Variants in SHISA9 observed in about 807,000 individuals in gnomAD.
The protein encoded by SHISA9 is shisa family member 9.
SHISA9 carries 13 observed loss-of-function variants against 38.0 expected under a neutral mutation model. The ratio of observed to expected loss-of-function variants is 0.34; its 90% confidence interval spans 0.22 to 0.54. The LOEUF is 0.54. SHISA9 is among the 20% of genes least tolerant of loss of function. The pLI is 0.91. For synonymous variants in SHISA9, 275 were observed against 242.0 expected, an observed-to-expected ratio of 1.14 and a Z score of -1.27; for missense variants, 538 against 575.8, an observed-to-expected ratio of 0.93 and a Z score of 0.67.
At chr16:13,371,080 A>G in the SHISA9 span, among the ~76,000 whole-genome samples, 1 of 152,206 alleles carries the variant, frequency 6.6e-6, no homozygotes, top group South Asian at 2.1e-4. Context: ...ACACCATTTA[A>G]CCTTTACAAT....
chr16:13,087,900 C>G (rs1014449549), intron 2 of SHISA9, among the ~76,000 whole-genome samples: 1 of 152,148 alleles, frequency 6.6e-6, no homozygotes, highest in African/African-American at 2.4e-5. Flanking sequence ...CTTGCCCATG[C>G]CTATGTCCTG....
intron 2 of SHISA9, among the ~76,000 whole-genome samples, chr16:13,178,581 C>G (rs2050751702): frequency 6.6e-6 from 1 of 152,142 alleles, no homozygotes; most frequent in African/African-American, 2.4e-5. Flanking sequence ...AGTCATCTAG[C>G]TCCGAGATGC....
At chr16:13,283,618 C>A in the SHISA9 span, among the ~76,000 whole-genome samples, 1 of 151,872 alleles carries the variant, frequency 6.6e-6, no homozygotes, top group Non-Finnish European at 1.5e-5. Context: ...GGGAAACCAC[C>A]CCCATGATTC....
chr16:13,111,876 A>C (rs1364648225), intron 2 of SHISA9, among the ~76,000 whole-genome samples: 1 of 152,204 alleles, frequency 6.6e-6, no homozygotes, highest in African/African-American at 2.4e-5. Context: ...TTCAGTTATC[A>C]TCTGTTGAGG....
chr16:13,085,019 G>GT (rs916346032), intron 2 of SHISA9, among the ~76,000 whole-genome samples: 2 of 152,282 alleles, frequency 1.3e-5, no homozygotes, highest in South Asian at 2.1e-4. Context: ...AAGACATAAA[G>GT]TGAAGGTAAG....
At chr16:13,313,271 A>AAAAAAC in the SHISA9 span, among the ~76,000 whole-genome samples, 8 of 151,816 alleles carry the variant, frequency 5.3e-5, no homozygotes, top group East Asian at 1.2e-3. Context: ...AAAAAAAAAA[A>AAAAAAC]ACCCAGTTTT....
intron 2 of SHISA9, among the ~76,000 whole-genome samples, chr16:12,936,766 C>G (rs2071539065): frequency 6.6e-6 from 1 of 152,192 alleles, no homozygotes. Flanking sequence ...CCTCTGGCCT[C>G]AGATCTCTAC....
chr16:12,983,561 T>C (rs2072268565), intron 2 of SHISA9, among the ~76,000 whole-genome samples: 1 of 152,178 alleles, frequency 6.6e-6, no homozygotes. Flanking sequence ...CAATCTCGGC[T>C]CACTGCAAGC....
intron 2 of SHISA9, among the ~76,000 whole-genome samples, chr16:13,014,835 A>G (rs2072722137): frequency 6.6e-6 from 1 of 152,186 alleles, no homozygotes; most frequent in Non-Finnish European, 1.5e-5. Context: ...AACTCACAAG[A>G]CTTCAAAGAC....
At chr16:13,029,675 A>T (rs1305903805) in intron 2 of SHISA9, among the ~76,000 whole-genome samples, 1 of 152,256 alleles carries the variant, frequency 6.6e-6, no homozygotes, top group Non-Finnish European at 1.5e-5. Flanking sequence ...AGATCATTAC[A>T]TTAAGTGAAA....
the SHISA9 span, among the ~76,000 whole-genome samples, chr16:13,289,615 G>A: frequency 1.3e-5 from 2 of 151,818 alleles, no homozygotes; most frequent in Non-Finnish European, 2.9e-5. Flanking sequence ...AAGAAGGAAG[G>A]AGAAAAATTG....
the SHISA9 span, among the ~76,000 whole-genome samples, chr16:13,438,803 G>C: frequency 1.3e-5 from 2 of 152,046 alleles, no homozygotes; most frequent in South Asian, 4.2e-4. Context: ...AAATAATTGG[G>C]ATTAGTTAGC....
rs1363499370 is a variant in SHISA9 at position 12,916,087 on chromosome 16, C to A, written c.564-601C>A. On this transcript the variant is annotated intron_variant, in intron 1 of 4. Coordinates refer to ENST00000558583, the MANE Select transcript of SHISA9 (RefSeq NM_001145204.3). ...GTCACAGGTTGAATTGTGTCTCCAT[C>A]CCCCTGCACACTCCAAAAATACTCA... Among the ~76,000 whole-genome samples, 5 of 140,962 alleles carry A rather than the reference C, an allele frequency of 3.5e-5. No homozygotes were observed. In the Admixed American group the frequency reaches 3.8e-4, roughly 11 times the overall value. 92.5% of individuals were successfully genotyped at this position (140,962 alleles called of 152,430 possible). A position where few individuals can be genotyped will look rare whatever the true frequency, so the allele number is the denominator to read the frequency against.
At chr16:13,008,913 T>C (rs569164718) in intron 2 of SHISA9, among the ~76,000 whole-genome samples, 44 of 152,120 alleles carry the variant, frequency 2.9e-4, no homozygotes, top group African/African-American at 9.9e-4. Flanking sequence ...ATATAATGAA[T>C]ATAAATTATC....
chr16:13,419,075 G>C, the SHISA9 span, among the ~76,000 whole-genome samples: 1 of 152,192 alleles, frequency 6.6e-6, no homozygotes, highest in African/African-American at 2.4e-5. Flanking sequence ...GTATGAACTG[G>C]TTTGTGAAGA....
At chr16:13,243,776 T>G (rs1285308725), downstream of SHISA9, among the ~76,000 whole-genome samples, 1 of 145,528 alleles carries the variant, frequency 6.9e-6, no homozygotes, top group Non-Finnish European at 1.5e-5. Flanking sequence ...AGCGTTTTTT[T>G]TTTTTTTTTT....
At chr16:13,206,462 A>G (rs975854142) in intron 3 of SHISA9, among the ~76,000 whole-genome samples, 1 of 152,206 alleles carries the variant, frequency 6.6e-6, no homozygotes, top group Admixed American at 6.5e-5. Flanking sequence ...CCATGTGTCT[A>G]AGATGCATGT....
At chr16:13,145,481 C>G (rs927957655) in intron 2 of SHISA9, among the ~76,000 whole-genome samples, 3 of 152,094 alleles carry the variant, frequency 2.0e-5, no homozygotes, top group Non-Finnish European at 2.9e-5. Context: ...GAGCCAAGAT[C>G]GTGCCATTGC....
At chr16:13,443,262 A>C in the SHISA9 span, among the ~76,000 whole-genome samples, 1 of 152,240 alleles carries the variant, frequency 6.6e-6, no homozygotes, top group Non-Finnish European at 1.5e-5. Flanking sequence ...AGGGAAATGA[A>C]GAAATTCTAA....
Sources: allele counts gnomAD v4.1 joint callset (sites outside exome capture counted in the v4.1 genomes callset), GRCh38; gene constraint gnomAD v4.1.1; transcripts MANE v1.5; gene names NCBI Gene and HGNC (gene_info 2026-07-23, HGNC 2026-07-21).